UBA3: variants seen among roughly 807,000 people sequenced by gnomAD.
The protein encoded by UBA3 is ubiquitin like modifier activating enzyme 3.
In UBA3, 26 loss-of-function variants were observed where a neutral mutation model predicts 73.5. That is an observed-to-expected ratio of 0.35 (90% confidence interval 0.26 to 0.49). The LOEUF is 0.49. Ranked by LOEUF, UBA3 falls within the 20% of genes least tolerant of loss-of-function variation. The probability of loss-of-function intolerance (pLI) is 0.98; values close to 1 mark genes in which losing one functional copy is unlikely to be tolerated. For synonymous variants in UBA3, 217 were observed against 191.2 expected, an observed-to-expected ratio of 1.13 and a Z score of -1.11; for missense variants, 495 against 555.6, an observed-to-expected ratio of 0.89 and a Z score of 1.10.
At chr3:69,071,194 G>A in intron 5 of UBA3, 2 of 193,688 alleles carry the variant, frequency 1.0e-5, no homozygotes, top group Non-Finnish European at 2.1e-5. Flanking sequence ...ATACTCCAGC[G>A]AGTATTCTCT....
rs548806957 is a variant in UBA3, at chr3:69,055,648, C to T, written c.1304-123G>A. 66 of 892,712 alleles carry T rather than the reference C, an allele frequency of 7.4e-5. 2 individuals are homozygous for T. The South Asian group carries it at 1.0e-3, about 14-fold the overall frequency. The allele number at this position is 892,712 out of a possible 1,614,324, so 55.3% of individuals were successfully genotyped here. A position where few individuals can be genotyped will look rare whatever the true frequency, so the allele number is the denominator to read the frequency against. On this transcript the variant is annotated intron_variant, in intron 17 of 17. Coordinates refer to ENST00000361055, the MANE Select transcript of UBA3 (RefSeq NM_003968.4). Reference sequence around the variant, plus strand: ...ACATCAAAATCCAATCCTCTTTAATCAAAGTAATATTTGATTTCTTAGAGA... The same window carrying T: ...ACATCAAAATCCAATCCTCTTTAATTAAAGTAATATTTGATTTCTTAGAGA...
chr3:69,055,570 C>G, intron 17 of UBA3, 45 bp from the exon 18 acceptor site: 1 of 1,440,402 alleles, frequency 6.9e-7, no homozygotes, highest in South Asian at 1.3e-5. Context: ...AAAAACTCAA[C>G]AGAAAGGATA....
chr3:69,073,227 T>C (rs2092136466), intron 4 of UBA3, among the ~76,000 whole-genome samples: 2 of 152,252 alleles, frequency 1.3e-5, no homozygotes, highest in South Asian at 2.1e-4. Flanking sequence ...TGATATCCAC[T>C]CCAAGCCCCT....
chr3:69,061,664 C>T, intron 11 of UBA3, 150 bp downstream of exon 11: 1 of 496,824 alleles, frequency 2.0e-6, no homozygotes, highest in East Asian at 3.1e-5. Flanking sequence ...TTAAATTCCC[C>T]CTAGCTAATA....
intron 9 of UBA3, 152 bp downstream of exon 9, chr3:69,062,830 G>A: frequency 5.4e-6 from 5 of 926,644 alleles, no homozygotes; most frequent in Non-Finnish European, 6.4e-6. Flanking sequence ...CTCAAATAGA[G>A]CAGAATTTCA....
At position 69,054,768 on chromosome 3, in the gene UBA3, C is replaced by T. The variant is rs2091959345; in HGVS notation, c.*669G>A. On this transcript the variant is annotated 3_prime_UTR_variant, in exon 18 of 18. Coordinates refer to ENST00000361055, the MANE Select transcript of UBA3 (RefSeq NM_003968.4). ...ATTTTATTAATAAATAGTGCAAAAG[C>T]ATCAGTGATAACTGTTTGAACATTA... is the stretch of plus-strand genomic sequence containing the variant. 6.6e-6 allele frequency: 1 copy of T among 152,094 alleles called. No homozygotes were observed. The highest frequency in any genetic ancestry group is 1.5e-5 in the Non-Finnish European group (1 of 68,016). 9.4% of individuals were successfully genotyped at this position (152,094 alleles called of 1,614,324 possible).
At chr3:69,068,074 C>A in intron 5 of UBA3, 66 bp from the exon 6 acceptor site, 1 of 1,079,780 alleles carries the variant, frequency 9.3e-7, no homozygotes, top group South Asian at 1.9e-5. Flanking sequence ...AACTTATTTT[C>A]AAACATAAAA....
intron 3 of UBA3, 124 bp downstream of exon 3, chr3:69,077,674 A>C (rs1376896081): frequency 9.4e-7 from 1 of 1,067,548 alleles, no homozygotes; most frequent in Non-Finnish European, 1.3e-6. Context: ...TTTAAGAAAA[A>C]TTTAGTTTCA....
intron 2 of UBA3, among the ~76,000 whole-genome samples, chr3:69,078,271 T>C (rs1203716091): frequency 1.3e-5 from 2 of 152,170 alleles, no homozygotes; most frequent in East Asian, 3.9e-4. Flanking sequence ...CACTGCAAGC[T>C]TCCTCAATCT....
chr3:69,057,629 C>T (rs552540611), intron 11 of UBA3, among the ~76,000 whole-genome samples: 1 of 152,288 alleles, frequency 6.6e-6, no homozygotes, highest in Non-Finnish European at 1.5e-5. Flanking sequence ...TTAATTTTCA[C>T]AACATCTTCA....
intron 2 of UBA3, 58 bp from the exon 3 acceptor site, chr3:69,077,976 C>A: frequency 6.3e-7 from 1 of 1,594,588 alleles, no homozygotes; most frequent in South Asian, 1.1e-5. Context: ...ACCACACCTA[C>A]AACTATTATG....
At chr3:69,055,658 T>C in intron 17 of UBA3, 133 bp from the exon 18 acceptor site, 1 of 886,332 alleles carries the variant, frequency 1.1e-6, no homozygotes, top group Non-Finnish European at 1.7e-6. Context: ...CAAAGTAATA[T>C]TTGATTTCTT....
chr3:69,055,395 G>T lies in UBA3; in HGVS notation c.*42C>A, dbSNP rs1333473266. 2 of 1,285,448 alleles carry T rather than the reference G, an allele frequency of 1.6e-6. No individual in the cohort carries two copies. The highest frequency in any genetic ancestry group is 2.1e-6 in the Non-Finnish European group (2 of 953,264). 79.6% of individuals were successfully genotyped at this position (1,285,448 alleles called of 1,614,324 possible). A position where few individuals can be genotyped will look rare whatever the true frequency, so the allele number is the denominator to read the frequency against. Reference sequence around the variant, plus strand: ...GATTCAACTTCTTAGCATCCACAAAGTATATTATTTCCATGAGTTTTCTAT... The same window carrying T: ...GATTCAACTTCTTAGCATCCACAAATTATATTATTTCCATGAGTTTTCTAT... On this transcript the variant is annotated 3_prime_UTR_variant, in exon 18 of 18. Coordinates refer to ENST00000361055, the MANE Select transcript of UBA3 (RefSeq NM_003968.4).
chr3:69,058,654 C>T (rs1378929039), intron 11 of UBA3, among the ~76,000 whole-genome samples: 1 of 152,182 alleles, frequency 6.6e-6, no homozygotes, highest in Non-Finnish European at 1.5e-5. Flanking sequence ...AACAGTGAAG[C>T]GTGTAAGAGA....
At position 69,062,151 on chromosome 3, in the gene UBA3, G is replaced by T; in HGVS notation, c.722C>A (p.Ser241Tyr). The T allele has an allele frequency of 6.2e-7, 1 of 1,613,510 alleles. No individual in the cohort carries two copies. The highest frequency in any genetic ancestry group is 8.5e-7 in the Non-Finnish European group (1 of 1,179,528). Residue 241 changes from serine (S) to tyrosine (Y), a missense_variant, in exon 10 of 18, where the codon TCT (serine) becomes TAT (tyrosine). By Grantham distance (144) the Ser-to-Tyr change is moderately radical. Coordinates refer to ENST00000361055, the MANE Select transcript of UBA3 (RefSeq NM_003968.4). Reference protein sequence around the residue: ...QVNFPMCTIASMPRLPEHCIE... With the variant: ...QVNFPMCTIAYMPRLPEHCIE... ...ACAGTGTTCTGGTAGCCTGGGCATA[G>T]ATGCAATGGTGCACATGGGAAAATT... is the stretch of plus-strand genomic sequence containing the variant.
chr3:69,056,320 T>G, intron 14 of UBA3, 37 bp from the exon 15 acceptor site: 1 of 1,402,326 alleles, frequency 7.1e-7, no homozygotes, highest in Non-Finnish European at 9.8e-7. Flanking sequence ...CAGCAGCACA[T>G]GCACCAATAT....
intron 10 of UBA3, 32 bp downstream of exon 10, chr3:69,062,045 G>A (rs751187156): frequency 4.7e-6 from 7 of 1,483,380 alleles, no homozygotes; most frequent in South Asian, 1.2e-5. Flanking sequence ...TGTATTTTAT[G>A]TAATTCTAGA....
At chr3:69,059,863 A>T (rs1429960734) in intron 11 of UBA3, among the ~76,000 whole-genome samples, 3 of 152,228 alleles carry the variant, frequency 2.0e-5, no homozygotes, top group African/African-American at 7.2e-5. Context: ...ATGATTGAGC[A>T]TGACTGGTTA....
chr3:69,063,934 A>G (rs908727837), intron 7 of UBA3, 134 bp downstream of exon 7: 3 of 756,818 alleles, frequency 4.0e-6, no homozygotes, highest in Non-Finnish European at 6.6e-6. Flanking sequence ...TATCAGCAAC[A>G]TTACTGAAAA....
Sources: allele counts gnomAD v4.1 joint callset (sites outside exome capture counted in the v4.1 genomes callset), GRCh38; gene constraint gnomAD v4.1.1; transcripts MANE v1.5; gene names NCBI Gene and HGNC (gene_info 2026-07-23, HGNC 2026-07-21).